The following TSHZ2 variants were observed in gnomAD, a reference collection of about 807,000 sequenced individuals.
TSHZ2 encodes the protein teashirt zinc finger homeobox 2.
TSHZ2 carries 21 observed loss-of-function variants against 74.4 expected under a neutral mutation model. The observed-to-expected ratio is 0.28, with a 90% confidence interval of 0.20 to 0.41. TSHZ2 has a LOEUF of 0.41. Ranked by LOEUF, TSHZ2 falls within the 10% of genes least tolerant of loss-of-function variation. TSHZ2 has a pLI of 1.00. For missense variants in TSHZ2, 1,244 were observed against 1,293.5 expected (o/e 0.96, Z 0.59); for synonymous variants, 540 against 515.3 (o/e 1.05, Z -0.65).
intron 2 of TSHZ2, among the ~76,000 whole-genome samples, chr20:53,483,912 C>A (rs1276336940): frequency 6.6e-6 from 1 of 152,150 alleles, no homozygotes; most frequent in Non-Finnish European, 1.5e-5. Context: ...AAACAAAGTT[C>A]CATGAAATTG....
At chr20:52,994,036 A>C (rs1165845875) in intron 1 of TSHZ2, among the ~76,000 whole-genome samples, 1 of 152,220 alleles carries the variant, frequency 6.6e-6, no homozygotes. Flanking sequence ...TTGGAGGAAG[A>C]AGGGATGGAT....
chr20:53,038,246 AATTTGAATGTTGT>A (rs1983900537), intron 1 of TSHZ2, among the ~76,000 whole-genome samples: 1 of 141,066 alleles, frequency 7.1e-6, no homozygotes, highest in African/African-American at 2.5e-5. Flanking sequence ...AACTGCCCAG[AATTTGAATGTTGT>A]ACTTGAAACC....
At chr20:53,348,857 G>T (rs1980538843) in intron 2 of TSHZ2, among the ~76,000 whole-genome samples, 1 of 152,130 alleles carries the variant, frequency 6.6e-6, no homozygotes, top group Non-Finnish European at 1.5e-5. Flanking sequence ...CAAAGTAGTT[G>T]CCCTGACTGC....
At chr20:53,330,065 C>T (rs1228241165) in intron 2 of TSHZ2, among the ~76,000 whole-genome samples, 1 of 152,180 alleles carries the variant, frequency 6.6e-6, no homozygotes, top group Non-Finnish European at 1.5e-5. Context: ...TTACAGAGAC[C>T]ATATGGTATG....
chr20:53,116,458 T>C lies in TSHZ2; in HGVS notation c.41-137041T>C, dbSNP rs756256100. Among the ~76,000 whole-genome samples the C allele has an allele frequency of 2.0e-5, 3 of 152,068 alleles. No individual in the cohort carries two copies. The East Asian group carries it at 5.8e-4, about 29-fold the overall frequency. Reference sequence around the variant, plus strand: ...CTCCTGACTACAACCTCGCTCATTCTCTCTCAGCTCCTTAAGTGCTACAGG... The same window carrying C: ...CTCCTGACTACAACCTCGCTCATTCCCTCTCAGCTCCTTAAGTGCTACAGG... On this transcript the variant is annotated intron_variant, in intron 1 of 2. Transcript: ENST00000371497.
intron 1 of TSHZ2, among the ~76,000 whole-genome samples, chr20:53,101,982 G>A (rs1397678280): frequency 1.3e-5 from 2 of 148,716 alleles, no homozygotes; most frequent in Admixed American, 1.3e-4. Flanking sequence ...ATCCCTATGA[G>A]GACTTTTTTT....
chr20:52,980,285 G>A (rs1981515301), intron 1 of TSHZ2, among the ~76,000 whole-genome samples: 1 of 152,150 alleles, frequency 6.6e-6, no homozygotes, highest in Non-Finnish European at 1.5e-5. Context: ...GGTGAAGCAG[G>A]GAAGATTTTT....
chr20:53,377,425 C>CT (rs1981696058), intron 2 of TSHZ2, among the ~76,000 whole-genome samples: 1 of 152,242 alleles, frequency 6.6e-6, no homozygotes, highest in Non-Finnish European at 1.5e-5. Flanking sequence ...CCTTGGCTCT[C>CT]TCTTGTTTAT....
At chr20:53,105,777 G>C (rs1321399288) in intron 1 of TSHZ2, among the ~76,000 whole-genome samples, 1 of 152,020 alleles carries the variant, frequency 6.6e-6, no homozygotes, top group Non-Finnish European at 1.5e-5. Flanking sequence ...CTCCTGAGTA[G>C]CTGGGACTGC....
intron 2 of TSHZ2, among the ~76,000 whole-genome samples, chr20:53,371,391 CG>C (rs752417750): frequency 7.2e-5 from 11 of 152,334 alleles, no homozygotes; most frequent in Non-Finnish European, 1.0e-4. Context: ...AGAGTTCATA[CG>C]GGTTTCCAAA....
chr20:53,003,810 C>G (rs1568714736), intron 1 of TSHZ2, among the ~76,000 whole-genome samples: 1 of 152,136 alleles, frequency 6.6e-6, no homozygotes, highest in African/African-American at 2.4e-5. Context: ...TCTTGGGGAC[C>G]TGGGATGTGC....
At chr20:53,285,163 C>T (rs1307365151) in intron 2 of TSHZ2, among the ~76,000 whole-genome samples, 1 of 152,074 alleles carries the variant, frequency 6.6e-6, no homozygotes, top group African/African-American at 2.4e-5. Flanking sequence ...CAAGCCCCCA[C>T]AAAGTGAGAA....
At chr20:53,301,823 G>T (rs1358427869) in intron 2 of TSHZ2, among the ~76,000 whole-genome samples, 1 of 152,178 alleles carries the variant, frequency 6.6e-6, no homozygotes, top group South Asian at 2.1e-4. Flanking sequence ...TCACCTTCGT[G>T]GCAGCGCCAT....
chr20:53,293,570 G>A (rs1991319525), intron 2 of TSHZ2, among the ~76,000 whole-genome samples: 1 of 152,102 alleles, frequency 6.6e-6, no homozygotes, highest in South Asian at 2.1e-4. Context: ...TTGTCCAGAG[G>A]GCATGGACAC....
chr20:53,228,997 AATG>A (rs1989755637), intron 1 of TSHZ2, among the ~76,000 whole-genome samples: 1 of 152,088 alleles, frequency 6.6e-6, no homozygotes, highest in Non-Finnish European at 1.5e-5. Flanking sequence ...AGTTTTCTAG[AATG>A]ATTTTGACCC....
At chr20:52,975,076 G>A (rs1440115062) in intron 1 of TSHZ2, among the ~76,000 whole-genome samples, 1 of 152,076 alleles carries the variant, frequency 6.6e-6, no homozygotes, top group African/African-American at 2.4e-5. Flanking sequence ...ATCTGACAGC[G>A]TGTGGATGTG....
chr20:53,222,889 T>G (rs2123646402), intron 1 of TSHZ2, among the ~76,000 whole-genome samples: 1 of 152,362 alleles, frequency 6.6e-6, no homozygotes, highest in Middle Eastern at 3.4e-3. Flanking sequence ...AAATGTATCC[T>G]TTTTTTAGTG....
chr20:53,126,601 T>C (rs1286706322), intron 1 of TSHZ2, among the ~76,000 whole-genome samples: 1 of 152,212 alleles, frequency 6.6e-6, no homozygotes, highest in African/African-American at 2.4e-5. Context: ...GAATTGCTAT[T>C]GTGACATGCC....
chr20:53,343,828 C>T (rs1980322230), intron 2 of TSHZ2, among the ~76,000 whole-genome samples: 1 of 152,098 alleles, frequency 6.6e-6, no homozygotes, highest in Non-Finnish European at 1.5e-5. Context: ...CCAGGTGATC[C>T]TAAAAATTAA....
Sources: gnomAD v4.1 joint callset for allele counts (sites outside exome capture counted in the v4.1 genomes callset) on GRCh38, gnomAD v4.1.1 for gene constraint, MANE v1.5 for transcripts, NCBI Gene and HGNC (gene_info 2026-07-23, HGNC 2026-07-21) for gene names.